Variants in DPYSL3 observed in about 807,000 individuals in gnomAD.
The protein encoded by DPYSL3 is dihydropyrimidinase like 3, also known as dihydropyrimidinase-related protein 3.
DPYSL3 carries 16 observed loss-of-function variants against 66.1 expected under a neutral mutation model. That is an observed-to-expected ratio of 0.24 (90% CI 0.16 to 0.37). DPYSL3 has a LOEUF of 0.37. Ranked by LOEUF, DPYSL3 falls within the 10% of genes least tolerant of loss-of-function variation. The pLI is 1.00. For synonymous variants in DPYSL3, 338 were observed against 345.1 expected, an observed-to-expected ratio of 0.98 and a Z score of 0.23; for missense variants, 738 against 916.2, an observed-to-expected ratio of 0.81 and a Z score of 2.51.
chr5:147,424,841 C>T (rs760892997), intron 2 of DPYSL3, 34 bp downstream of exon 2: 5 of 1,505,150 alleles, frequency 3.3e-6, no homozygotes, highest in Non-Finnish European at 3.7e-6. Context: ...GGAGGAAGTG[C>T]AAAACAATAA....
At chr5:147,413,505 C>T (rs1276687612) in intron 5 of DPYSL3, 91 bp downstream of exon 5, 1 of 1,004,084 alleles carries the variant, frequency 1.0e-6, no homozygotes, top group Admixed American at 1.9e-5. Context: ...CCACAGTGAC[C>T]ACAGTGATTC....
chr5:147,457,387 C>T (rs1308325821), intron 1 of DPYSL3, among the ~76,000 whole-genome samples: 1 of 152,052 alleles, frequency 6.6e-6, no homozygotes, highest in Admixed American at 6.6e-5. Flanking sequence ...ATAGAAATTG[C>T]TCAATAATTA....
intron 11 of DPYSL3, among the ~76,000 whole-genome samples, chr5:147,398,628 G>T (rs563811242): frequency 1.6e-4 from 24 of 152,262 alleles, no homozygotes; most frequent in African/African-American, 5.8e-4. Context: ...AGTCATCACT[G>T]CTGTTTACCA....
intron 7 of DPYSL3, among the ~76,000 whole-genome samples, chr5:147,407,666 T>C (rs938732649): frequency 2.0e-5 from 3 of 152,150 alleles, no homozygotes; most frequent in Non-Finnish European, 4.4e-5. Flanking sequence ...AGATAACGTA[T>C]GCAATCAGCA....
chr5:147,416,836 T>C (rs561451788), intron 3 of DPYSL3, among the ~76,000 whole-genome samples: 84 of 152,276 alleles, frequency 5.5e-4, no homozygotes, highest in South Asian at 3.9e-3. Context: ...ATAGAGAAGT[T>C]AGGTTAAATA....
intron 1 of DPYSL3, among the ~76,000 whole-genome samples, chr5:147,486,536 G>A (rs981401723): frequency 1.3e-5 from 2 of 151,990 alleles, no homozygotes; most frequent in Non-Finnish European, 2.9e-5. Context: ...CATGAATATC[G>A]ATTCCGTGCC....
chr5:147,507,986 A>G lies in DPYSL3; in HGVS notation c.381+1492T>C, dbSNP rs996751421. Among the ~76,000 whole-genome samples, 3 of 152,314 alleles carry G rather than the reference A, an allele frequency of 2.0e-5. No homozygotes were observed. In the East Asian group the frequency reaches 5.8e-4, roughly 29 times the overall value. On this transcript the variant is annotated intron_variant, in intron 1 of 13. Coordinates refer to ENST00000343218, the MANE Select transcript of DPYSL3 (RefSeq NM_001197294.2). ...GTTCCAGTCAGGAAGGGAACATTTC[A>G]ATATGGACAAGTCAGACATGAAGAA...
chr5:147,397,444 G>T (rs2304046), intron 12 of DPYSL3, among the ~76,000 whole-genome samples: 68,387 of 151,834 alleles, frequency 0.45, 16,145 homozygotes, highest in African/African-American at 0.56. Context: ...ATAAAAATGT[G>T]GGAAAAGTCA....
chr5:147,405,166 C>T (rs1486152868), intron 8 of DPYSL3, among the ~76,000 whole-genome samples: 1 of 152,134 alleles, frequency 6.6e-6, no homozygotes, highest in East Asian at 1.9e-4. Context: ...CACCTAATAC[C>T]ATTGTTGAGG....
chr5:147,482,922 T>C (rs1753271077), intron 1 of DPYSL3, among the ~76,000 whole-genome samples: 1 of 152,084 alleles, frequency 6.6e-6, no homozygotes, highest in Non-Finnish European at 1.5e-5. Context: ...AGAAAGTGTG[T>C]GAAGGAGGAA....
intron 10 of DPYSL3, among the ~76,000 whole-genome samples, 196 bp from the exon 11 acceptor site, chr5:147,399,448 C>T (rs1447023259): frequency 6.6e-6 from 1 of 151,574 alleles, no homozygotes; most frequent in African/African-American, 2.4e-5. Context: ...GTAAAATGGT[C>T]AAACACATGG....
rs761657413 is a variant in DPYSL3, at chr5:147,418,550, G to A, written c.552C>T (p.Ile184=). Residue 184 remains isoleucine (I), a synonymous_variant, in exon 3 of 14, where the codon ATC becomes ATT. Transcript: ENST00000343218. ...ANGKMVIPGG[I]DVHTHFQMPY... ...GCATCTGGAAGTGAGTATGGACATC[G>A]ATGCCTCCAGGGATCACCATCTTCC... 5.6e-6 allele frequency: 9 copies of A among 1,613,458 alleles called. No homozygotes were observed. Among genetic ancestry groups the A allele is most frequent in the East Asian group, 4.5e-5 (2 of 44,880 alleles).
At chr5:147,469,007 A>C (rs1379807045) in intron 1 of DPYSL3, among the ~76,000 whole-genome samples, 6 of 152,224 alleles carry the variant, frequency 3.9e-5, no homozygotes, top group African/African-American at 1.4e-4. Context: ...TTCCACGACA[A>C]CACCAATAAA....
chr5:147,453,438 C>T (rs1013798000), intron 1 of DPYSL3: 9 of 1,381,864 alleles, frequency 6.5e-6, no homozygotes, highest in South Asian at 1.6e-5. Flanking sequence ...GGTCTCCGTC[C>T]CTCCCCGGGG....
chr5:147,429,363 C>T (rs536674316), intron 1 of DPYSL3, among the ~76,000 whole-genome samples: 1 of 152,118 alleles, frequency 6.6e-6, no homozygotes, highest in Admixed American at 6.5e-5. Flanking sequence ...AGACACACCA[C>T]TTAACTACGT....
At chr5:147,508,821 C>T (rs1581223399) in intron 1 of DPYSL3, among the ~76,000 whole-genome samples, 3 of 152,290 alleles carry the variant, frequency 2.0e-5, no homozygotes, top group Non-Finnish European at 2.9e-5. Flanking sequence ...CCCTGTAATA[C>T]CCAGTCTTGT....
At chr5:147,449,712 G>A (rs1752691099) in intron 1 of DPYSL3, among the ~76,000 whole-genome samples, 2 of 152,146 alleles carry the variant, frequency 1.3e-5, no homozygotes, top group African/African-American at 2.4e-5. Flanking sequence ...CCTTAACTGG[G>A]AAATGATTAT....
chr5:147,444,127 G>T (rs1002820452), intron 1 of DPYSL3, among the ~76,000 whole-genome samples: 1 of 152,104 alleles, frequency 6.6e-6, no homozygotes, highest in South Asian at 2.1e-4. Context: ...AGAGGGATAA[G>T]TTATTATCCC....
At chr5:147,507,332 T>C (rs1381108552) in intron 1 of DPYSL3, among the ~76,000 whole-genome samples, 1 of 149,984 alleles carries the variant, frequency 6.7e-6, no homozygotes, top group Non-Finnish European at 1.5e-5. Context: ...GGTAGGTAGA[T>C]TTGGGCTTAA....
Sources: allele counts gnomAD v4.1 joint callset (sites outside exome capture counted in the v4.1 genomes callset), GRCh38; gene constraint gnomAD v4.1.1; transcripts MANE v1.5; gene names NCBI Gene and HGNC (gene_info 2026-07-23, HGNC 2026-07-21).